STK3: variants seen among roughly 807,000 people sequenced by gnomAD.
The protein encoded by STK3 is serine/threonine kinase 3.
Under a neutral mutation model 58.0 loss-of-function variants are expected in STK3, and 41 were observed. That is an observed-to-expected ratio of 0.71 (90% confidence interval 0.55 to 0.92). The LOEUF (loss-of-function observed/expected upper bound fraction) is 0.92, where lower values mean the gene tolerates loss of function less well. STK3 is among the 40% of genes least tolerant of loss of function. STK3 has a pLI of 0.00. For synonymous variants in STK3, 170 were observed against 191.0 expected (o/e 0.89, Z 0.91); for missense variants, 479 against 602.7 (o/e 0.79, Z 2.15).
chr8:98,711,653 T>C (rs961475357), intron 4 of STK3, among the ~76,000 whole-genome samples: 1 of 152,158 alleles, frequency 6.6e-6, no homozygotes, highest in Non-Finnish European at 1.5e-5. Context: ...CAAATCTATG[T>C]CTGATTGGTG....
intron 8 of STK3, among the ~76,000 whole-genome samples, chr8:98,551,467 AAAAC>A (rs1308990222): frequency 6.6e-6 from 1 of 152,170 alleles, no homozygotes; most frequent in Non-Finnish European, 1.5e-5. Flanking sequence ...AAACAACAAA[AAAAC>A]AAACAAAAAC....
intron 7 of STK3, among the ~76,000 whole-genome samples, chr8:98,593,016 G>A (rs1391264634): frequency 3.3e-5 from 5 of 151,896 alleles, no homozygotes; most frequent in African/African-American, 4.8e-5. Flanking sequence ...CACCTGCCTC[G>A]GCCTCCCAAA....
At chr8:98,940,103 C>G (rs1460811467) in intron 1 of STK3, among the ~76,000 whole-genome samples, 2 of 152,142 alleles carry the variant, frequency 1.3e-5, no homozygotes, top group Non-Finnish European at 2.9e-5. Context: ...GCTCTGTGCC[C>G]GCGCGCCGCC....
At position 98,767,225 on chromosome 8, in the gene STK3, A is replaced by C. The variant is rs1343206211; in HGVS notation, c.236+18T>G. ...TCGTCAAAACAAGGGTAAGCAAAGAAATAAAATCTCTTCATACCTGTCACA... is the reference window on the plus strand; with the variant it reads ...TCGTCAAAACAAGGGTAAGCAAAGACATAAAATCTCTTCATACCTGTCACA... On this transcript the variant is annotated intron_variant, in intron 3 of 10. Coordinates refer to ENST00000419617, the MANE Select transcript of STK3 (RefSeq NM_006281.4). 1.9e-6 allele frequency: 3 copies of C among 1,571,966 alleles called. No individual in the cohort carries two copies. The highest frequency in any genetic ancestry group is 1.7e-6 in the Non-Finnish European group (2 of 1,164,716).
chr8:98,633,409 C>T, intron 6 of STK3: 2 of 469,954 alleles, frequency 4.3e-6, no homozygotes, highest in South Asian at 5.9e-5. Flanking sequence ...CTAGCAGCAT[C>T]ATGAAGTTTA....
intron 3 of STK3, among the ~76,000 whole-genome samples, chr8:98,394,908 T>C (rs772411484): frequency 6.6e-6 from 1 of 152,204 alleles, no homozygotes; most frequent in Non-Finnish European, 1.5e-5. Context: ...AATGCGGCAG[T>C]GAGCAGCAGG....
chr8:98,849,900 C>G (rs1463849013), intron 3 of STK3, among the ~76,000 whole-genome samples: 2 of 152,110 alleles, frequency 1.3e-5, no homozygotes, highest in African/African-American at 4.8e-5. Context: ...GCTATACACA[C>G]TAGGTATGGC....
intron 8 of STK3, among the ~76,000 whole-genome samples, chr8:98,568,067 A>G (rs563927107): frequency 7.9e-4 from 47 of 59,126 alleles, no homozygotes; most frequent in African/African-American, 2.4e-3. Context: ...GATAGATGAT[A>G]GATAGATAGA....
intron 3 of STK3, among the ~76,000 whole-genome samples, chr8:98,426,558 CCT>C (rs1281254443): frequency 2.0e-5 from 3 of 152,164 alleles, no homozygotes; most frequent in African/African-American, 7.2e-5. Flanking sequence ...TTCCCGGCCC[CCT>C]CTTTTCCCCT....
chr8:98,448,365 G>A lies in STK3; in HGVS notation n.186-11157C>T, dbSNP rs139965728. Among the ~76,000 whole-genome samples the A allele has an allele frequency of 4.0e-3, 606 of 152,238 alleles. 3 individuals carry two copies. The highest frequency in any genetic ancestry group is 0.014 in the African/African-American group (581 of 41,544). On this transcript the variant is annotated intron_variant and non_coding_transcript_variant, in intron 1 of 3. Transcript: ENST00000517832. ...AATTCCACATTTCAGATTCCTCCATGTACCTTGTTTTTCCTTGACATCAAA... is the reference window on the plus strand; with the variant it reads ...AATTCCACATTTCAGATTCCTCCATATACCTTGTTTTTCCTTGACATCAAA...
At chr8:98,534,183 C>T (rs1809572062) in intron 9 of STK3, among the ~76,000 whole-genome samples, 1 of 152,204 alleles carries the variant, frequency 6.6e-6, no homozygotes, top group Admixed American at 6.5e-5. Context: ...CTCAACACAA[C>T]TGTTTATCTA....
intron 1 of STK3, chr8:98,437,318 C>T (rs944346815): frequency 2.0e-5 from 3 of 152,314 alleles, no homozygotes; most frequent in Non-Finnish European, 4.4e-5. Flanking sequence ...GTTGGCAGCA[C>T]AAAGGGCCTG....
At chr8:98,941,005 T>A (rs1341752605) in intron 1 of STK3, among the ~76,000 whole-genome samples, 2 of 152,134 alleles carry the variant, frequency 1.3e-5, no homozygotes, top group African/African-American at 4.8e-5. Context: ...CGGGCCCAGG[T>A]ACAGGGAGCC....
chr8:98,595,868 TGAGGGGACGA>T, intron 7 of STK3, 154 bp downstream of exon 7: 3 of 642,404 alleles, frequency 4.7e-6, no homozygotes, highest in Non-Finnish European at 7.1e-6. Flanking sequence ...CTGGGGGAAA[TGAGGGGACGA>T]GAGGGGAGGA....
At chr8:98,610,389 T>A (rs1381819850) in intron 6 of STK3, among the ~76,000 whole-genome samples, 1 of 152,170 alleles carries the variant, frequency 6.6e-6, no homozygotes, top group Non-Finnish European at 1.5e-5. Flanking sequence ...TATTAGAAGA[T>A]CAGAATATTA....
chr8:98,349,332 C>T, the STK3 span, among the ~76,000 whole-genome samples: 102 of 152,306 alleles, frequency 6.7e-4, 2 homozygotes, highest in Admixed American at 3.9e-4. Flanking sequence ...CAGGTAATGC[C>T]GATGCAAGAG....
intron 1 of STK3, among the ~76,000 whole-genome samples, chr8:98,907,251 T>A (rs113424808): frequency 0.048 from 7,262 of 152,160 alleles, 195 homozygotes; most frequent in African/African-American, 0.065. Flanking sequence ...CGGTGGCTTA[T>A]GGCTGTAATC....
chr8:98,552,736 T>C (rs1811275175), intron 8 of STK3, among the ~76,000 whole-genome samples: 1 of 152,150 alleles, frequency 6.6e-6, no homozygotes, highest in African/African-American at 2.4e-5. Flanking sequence ...AGAATGTAAG[T>C]CTGATGAAGA....
chr8:98,518,243 G>T (rs1326307184), intron 10 of STK3, among the ~76,000 whole-genome samples: 2 of 152,038 alleles, frequency 1.3e-5, no homozygotes, highest in Non-Finnish European at 2.9e-5. Flanking sequence ...TAAGGGAAAT[G>T]ATGATATAAT....
Sources: gnomAD v4.1 joint callset for allele counts (sites outside exome capture counted in the v4.1 genomes callset) on GRCh38, gnomAD v4.1.1 for gene constraint, MANE v1.5 for transcripts, NCBI Gene and HGNC (gene_info 2026-07-23, HGNC 2026-07-21) for gene names.